Variants in PXDNL observed in about 807,000 individuals in gnomAD.
The protein encoded by PXDNL is peroxidasin like.
In PXDNL, 145 loss-of-function variants were observed where a neutral mutation model predicts 150.8. That is an observed-to-expected ratio of 0.96 (90% CI 0.84 to 1.10). The LOEUF is 1.10. Among genes scored for constraint, PXDNL ranks in the 50% least tolerant of loss-of-function variants. PXDNL has a pLI of 0.00. For synonymous variants in PXDNL, 757 were observed against 725.7 expected (o/e 1.04, Z -0.69); for missense variants, 2,087 against 1,873.9 (o/e 1.11, Z -2.10).
At chr8:51,467,614 T>C (rs1454923761) in intron 8 of PXDNL, among the ~76,000 whole-genome samples, 1 of 152,052 alleles carries the variant, frequency 6.6e-6, no homozygotes, top group East Asian at 1.9e-4. Flanking sequence ...CTCCAGAATG[T>C]GCAATAAAAG....
intron 1 of PXDNL, among the ~76,000 whole-genome samples, chr8:51,791,298 G>C (rs1309418888): frequency 6.6e-6 from 1 of 152,240 alleles, no homozygotes; most frequent in Non-Finnish European, 1.5e-5. Flanking sequence ...GTGGTCACAT[G>C]ACTTCCATGG....
chr8:51,383,307 T>G (rs1476858892), intron 17 of PXDNL, among the ~76,000 whole-genome samples: 3 of 152,218 alleles, frequency 2.0e-5, no homozygotes, highest in Non-Finnish European at 4.4e-5. Flanking sequence ...TCATTTCACT[T>G]GTCAACTTTC....
At chr8:51,778,784 C>T (rs1463014614) in intron 1 of PXDNL, among the ~76,000 whole-genome samples, 2 of 152,206 alleles carry the variant, frequency 1.3e-5, no homozygotes, top group African/African-American at 4.8e-5. Flanking sequence ...AAAATAACTG[C>T]TATGTCTTCT....
intron 1 of PXDNL, among the ~76,000 whole-genome samples, chr8:51,747,301 T>A (rs140378832): frequency 2.0e-5 from 3 of 152,208 alleles, no homozygotes; most frequent in African/African-American, 7.2e-5. Flanking sequence ...TTCTTTTTAA[T>A]TGTCAATGTT....
chr8:51,461,754 G>A (rs545260639), intron 8 of PXDNL, among the ~76,000 whole-genome samples: 17 of 152,344 alleles, frequency 1.1e-4, no homozygotes, highest in African/African-American at 3.6e-4. Flanking sequence ...CTAAGAAAAT[G>A]TAGGTGTGTC....
intron 3 of PXDNL, among the ~76,000 whole-genome samples, chr8:51,562,821 G>C (rs1197516568): frequency 6.6e-6 from 1 of 151,916 alleles, no homozygotes. Context: ...ATGTATCAAG[G>C]CATAAAACTA....
chr8:51,478,924 C>T (rs1171303376), intron 6 of PXDNL, among the ~76,000 whole-genome samples: 1 of 152,136 alleles, frequency 6.6e-6, no homozygotes, highest in Non-Finnish European at 1.5e-5. Context: ...ATATCAGTTT[C>T]CCATAAAATA....
chr8:51,591,073 C>T (rs924404911), intron 3 of PXDNL, among the ~76,000 whole-genome samples: 4 of 151,390 alleles, frequency 2.6e-5, no homozygotes, highest in Non-Finnish European at 5.9e-5. Context: ...TGCCATAATG[C>T]CATTATCATG....
chr8:51,488,220 T>C (rs767981386), intron 5 of PXDNL, among the ~76,000 whole-genome samples: 1 of 151,962 alleles, frequency 6.6e-6, no homozygotes, highest in Non-Finnish European at 1.5e-5. Flanking sequence ...CAGATAAGAG[T>C]ATTCAGCAAA....
At chr8:51,675,293 C>A (rs1455344853) in intron 1 of PXDNL, among the ~76,000 whole-genome samples, 1 of 152,090 alleles carries the variant, frequency 6.6e-6, no homozygotes, top group East Asian at 1.9e-4. Flanking sequence ...AGATTAAGGC[C>A]CTTATAAAAG....
intron 2 of PXDNL, among the ~76,000 whole-genome samples, chr8:51,629,626 A>G (rs1247105484): frequency 6.6e-6 from 1 of 152,208 alleles, no homozygotes. Flanking sequence ...ACAAATTATT[A>G]TCACATTTTG....
At chr8:51,419,618 C>G (rs1808892609) in intron 14 of PXDNL, among the ~76,000 whole-genome samples, 7 of 152,128 alleles carry the variant, frequency 4.6e-5, no homozygotes, top group Admixed American at 4.6e-4. Context: ...TGTTTTGTGC[C>G]TTCAGTCAAA....
intron 4 of PXDNL, among the ~76,000 whole-genome samples, chr8:51,514,702 C>A (rs977305729): frequency 6.6e-6 from 1 of 152,146 alleles, no homozygotes; most frequent in African/African-American, 2.4e-5. Context: ...TGCCCACATC[C>A]ACTATGCCAC....
chr8:51,377,806 G>GCGGGCTCCTGCGCAGCCC lies in PXDNL; in HGVS notation c.3558-3093_3558-3076dup, dbSNP rs1807383377. 3.3e-5 allele frequency among the ~76,000 whole-genome samples: 5 copies of GCGGGCTCCTGCGCAGCCC among 152,292 alleles called. No homozygotes were observed. In the South Asian group the frequency reaches 1.0e-3, roughly 32 times the overall value. ...GCCATGCCTGAGCCTCCCCCACACC[G>GCGGGCTCCTGCGCAGCCC]CGGGCTCCTGCGCAGCCCCAGCCTC... is the stretch of plus-strand genomic sequence containing the variant. On this transcript the variant is annotated intron_variant, in intron 17 of 22. Coordinates refer to ENST00000356297, the MANE Select transcript of PXDNL (RefSeq NM_144651.5).
intron 1 of PXDNL, among the ~76,000 whole-genome samples, chr8:51,675,476 G>A (rs1172893815): frequency 1.3e-5 from 2 of 152,088 alleles, no homozygotes; most frequent in South Asian, 2.1e-4. Flanking sequence ...AGAACTGTGA[G>A]ACATAAATTT....
chr8:51,333,042 T>C (rs1275094854), intron 21 of PXDNL, among the ~76,000 whole-genome samples: 2 of 152,170 alleles, frequency 1.3e-5, no homozygotes, highest in Non-Finnish European at 2.9e-5. Context: ...GTCATCAGGT[T>C]ATCCAAAGTT....
At chr8:51,337,645 G>A (rs1349002967) in intron 21 of PXDNL, among the ~76,000 whole-genome samples, 2 of 151,946 alleles carry the variant, frequency 1.3e-5, no homozygotes, top group African/African-American at 4.8e-5. Flanking sequence ...TTGGGAGGCT[G>A]GCAGGCAGAT....
At chr8:51,776,597 C>A (rs114467865) in intron 1 of PXDNL, among the ~76,000 whole-genome samples, 3,904 of 152,264 alleles carry the variant, frequency 0.026, 175 homozygotes, top group African/African-American at 0.088. Context: ...ACCCCCTCTT[C>A]TCAATGAGGC....
At chr8:51,421,091 A>G (rs2129713748) in intron 14 of PXDNL, among the ~76,000 whole-genome samples, 1 of 152,310 alleles carries the variant, frequency 6.6e-6, no homozygotes, top group South Asian at 2.1e-4. Flanking sequence ...TTTTTCACTG[A>G]GATTACAGTG....
Sources: allele counts gnomAD v4.1 joint callset (sites outside exome capture counted in the v4.1 genomes callset), GRCh38; gene constraint gnomAD v4.1.1; transcripts MANE v1.5; gene names NCBI Gene and HGNC (gene_info 2026-07-23, HGNC 2026-07-21).